The following MECOM variants were observed in gnomAD, a reference collection of about 807,000 sequenced individuals.
MECOM encodes MDS1 and EVI1 complex locus.
Under a neutral mutation model 116.3 loss-of-function variants are expected in MECOM, and 13 were observed. The observed-to-expected ratio is 0.11, with a 90% CI of 0.07 to 0.18. The LOEUF is 0.18. Ranked by LOEUF, MECOM falls within the 10% of genes least tolerant of loss-of-function variation. The pLI is 1.00. For synonymous variants in MECOM, 528 were observed against 535.2 expected (o/e 0.99, Z 0.19); for missense variants, 1,299 against 1,509.0 (o/e 0.86, Z 2.31).
intron 1 of MECOM, among the ~76,000 whole-genome samples, chr3:169,482,782 G>A (rs796574832): frequency 4.6e-5 from 7 of 152,226 alleles, no homozygotes; most frequent in African/African-American, 1.7e-4. Flanking sequence ...TTTTATTTCT[G>A]GTGAATAACA....
At chr3:169,596,110 C>T (rs1011774192) in intron 1 of MECOM, among the ~76,000 whole-genome samples, 5 of 152,184 alleles carry the variant, frequency 3.3e-5, no homozygotes, top group Non-Finnish European at 5.9e-5. Flanking sequence ...ATATTATTGA[C>T]AACTTCTCCA....
At chr3:169,627,409 A>C (rs73174387) in intron 1 of MECOM, among the ~76,000 whole-genome samples, 1 of 152,190 alleles carries the variant, frequency 6.6e-6, no homozygotes, top group South Asian at 2.1e-4. Flanking sequence ...CCAGCAGCTT[A>C]ATTAATGCTT....
chr3:169,645,770 GC>G (rs1774100028), intron 1 of MECOM, among the ~76,000 whole-genome samples: 1 of 152,144 alleles, frequency 6.6e-6, no homozygotes, highest in South Asian at 2.1e-4. Context: ...GCTGGAAGTA[GC>G]CCCCAATTGT....
intron 2 of MECOM, among the ~76,000 whole-genome samples, chr3:169,305,388 A>G (rs541866285): frequency 9.2e-5 from 14 of 152,312 alleles, no homozygotes; most frequent in African/African-American, 2.9e-4. Context: ...GACAAGGACT[A>G]ATAAATGATT....
intron 1 of MECOM, among the ~76,000 whole-genome samples, chr3:169,388,985 A>G (rs78860623): frequency 0.015 from 2,302 of 152,334 alleles, 67 homozygotes; most frequent in African/African-American, 0.053. Flanking sequence ...ATGGCAAAGA[A>G]TGTGATACGG....
chr3:169,509,018 C>T (rs1394020050), intron 1 of MECOM, among the ~76,000 whole-genome samples: 2 of 152,168 alleles, frequency 1.3e-5, no homozygotes, highest in Non-Finnish European at 2.9e-5. Context: ...TTTAAAGTTG[C>T]TAAATACAAA....
At chr3:169,477,333 C>T (rs1750646246) in intron 1 of MECOM, among the ~76,000 whole-genome samples, 1 of 151,392 alleles carries the variant, frequency 6.6e-6, no homozygotes, top group South Asian at 2.1e-4. Flanking sequence ...TCTTTGCGCC[C>T]CGTCATTCTC....
intron 1 of MECOM, among the ~76,000 whole-genome samples, chr3:169,476,140 C>T (rs183925717): frequency 2.4e-4 from 37 of 152,278 alleles, no homozygotes; most frequent in African/African-American, 8.4e-4. Flanking sequence ...ATAGTATTAA[C>T]TCTGCCAGCC....
chr3:169,159,051 G>T (rs1014070913), intron 2 of MECOM, among the ~76,000 whole-genome samples: 2 of 152,118 alleles, frequency 1.3e-5, no homozygotes, highest in African/African-American at 4.8e-5. Context: ...ATGGTAAACT[G>T]CCATAATGAG....
At chr3:169,367,878 G>C (rs1012673660) in intron 2 of MECOM, among the ~76,000 whole-genome samples, 1 of 151,998 alleles carries the variant, frequency 6.6e-6, no homozygotes, top group Non-Finnish European at 1.5e-5. Context: ...ATACCTGTGA[G>C]ATCTCCTTAG....
chr3:169,652,436 C>A (rs1577297260), intron 1 of MECOM, among the ~76,000 whole-genome samples: 1 of 152,068 alleles, frequency 6.6e-6, no homozygotes, highest in East Asian at 1.9e-4. Flanking sequence ...GACTTAGGAG[C>A]AGTCCTAAGT....
At chr3:169,088,914 T>C (rs1718726442) in intron 16 of MECOM, 86 bp downstream of exon 16, 2 of 1,167,592 alleles carry the variant, frequency 1.7e-6, no homozygotes, top group Non-Finnish European at 2.3e-6. Context: ...ATTTCAAAGA[T>C]AGAATATTTG....
chr3:169,566,146 G>C, intron 1 of MECOM: 1 of 251,184 alleles, frequency 4.0e-6, no homozygotes, highest in Non-Finnish European at 8.1e-6. Context: ...GAACAGCATG[G>C]AGGAAACCAC....
intron 2 of MECOM, chr3:169,146,784 C>A: frequency 8.7e-7 from 1 of 1,144,820 alleles, no homozygotes; most frequent in South Asian, 1.9e-5. Context: ...TCAAAATAAA[C>A]AAAATAAAAT....
chr3:169,385,367 T>A (rs1267293297), intron 1 of MECOM, among the ~76,000 whole-genome samples: 2 of 151,940 alleles, frequency 1.3e-5, no homozygotes, highest in Non-Finnish European at 2.9e-5. Flanking sequence ...CTTACATAGG[T>A]CAAGCAAATC....
chr3:169,507,649 G>GTTTTTTTTTTTT (rs1491033517), intron 1 of MECOM, among the ~76,000 whole-genome samples: 1 of 65,096 alleles, frequency 1.5e-5, no homozygotes, highest in African/African-American at 7.0e-5. Flanking sequence ...ATCCCCACTT[G>GTTTTTTTTTTTT]CTTTTTTTTT....
chr3:169,426,214 A>G (rs1740661104), intron 1 of MECOM, among the ~76,000 whole-genome samples: 1 of 152,196 alleles, frequency 6.6e-6, no homozygotes, highest in South Asian at 2.1e-4. Context: ...TTTTGCAAAA[A>G]GCCTATGTGA....
intron 2 of MECOM, among the ~76,000 whole-genome samples, chr3:169,172,403 T>TTTTATG: frequency 8.9e-6 from 1 of 112,824 alleles, no homozygotes; most frequent in East Asian, 3.3e-4. Flanking sequence ...GCAGGTACCC[T>TTTTATG]TGTATGTGTG....
At chr3:169,090,344 A>T in intron 14 of MECOM, 108 bp from the exon 15 acceptor site, 1 of 949,452 alleles carries the variant, frequency 1.1e-6, no homozygotes, top group Admixed American at 2.7e-5. Flanking sequence ...TCAACACTTA[A>T]CATCGGAAAT....
Sources: gnomAD v4.1 joint callset for allele counts (sites outside exome capture counted in the v4.1 genomes callset) on GRCh38, gnomAD v4.1.1 for gene constraint, MANE v1.5 for transcripts, NCBI Gene and HGNC (gene_info 2026-07-23, HGNC 2026-07-21) for gene names.